The following SGCZ variants were observed in gnomAD, a reference collection of about 807,000 sequenced individuals.
SGCZ encodes the protein sarcoglycan zeta, also known as zeta-sarcoglycan.
In SGCZ, 40 loss-of-function variants were observed where a neutral mutation model predicts 41.3. That is an observed-to-expected ratio of 0.97 (90% confidence interval 0.75 to 1.26). The LOEUF is 1.26. Among genes scored for constraint, SGCZ ranks in the 50% most tolerant of loss-of-function variants. The pLI, the probability that SGCZ is intolerant of heterozygous loss-of-function variation, is 0.00. For synonymous variants in SGCZ, 206 were observed against 137.5 expected, an observed-to-expected ratio of 1.50 and a Z score of -3.49; for missense variants, 552 against 369.8, an observed-to-expected ratio of 1.49 and a Z score of -4.04.
At chr8:14,514,085 A>G (rs1412283048) in intron 2 of SGCZ, among the ~76,000 whole-genome samples, 1 of 152,114 alleles carries the variant, frequency 6.6e-6, no homozygotes, top group Non-Finnish European at 1.5e-5. Flanking sequence ...AGCATAGGTT[A>G]GTCCTTTGAG....
At chr8:14,513,385 T>A (rs1802521033) in intron 2 of SGCZ, among the ~76,000 whole-genome samples, 1 of 152,084 alleles carries the variant, frequency 6.6e-6, no homozygotes, top group Non-Finnish European at 1.5e-5. Context: ...TACTATACTG[T>A]TGTGTTAGAG....
intron 1 of SGCZ, among the ~76,000 whole-genome samples, chr8:15,166,384 A>G (rs1401182098): frequency 6.6e-6 from 1 of 151,652 alleles, no homozygotes; most frequent in African/African-American, 2.4e-5. Flanking sequence ...GGTAGCTGGG[A>G]CTACAGGCGC....
intron 1 of SGCZ, among the ~76,000 whole-genome samples, chr8:15,158,461 G>C (rs1415479876): frequency 6.6e-6 from 1 of 152,048 alleles, no homozygotes; most frequent in East Asian, 1.9e-4. Flanking sequence ...GGGTTAAAAA[G>C]AATTCTTCAA....
intron 1 of SGCZ, among the ~76,000 whole-genome samples, chr8:15,165,265 G>A (rs1250424173): frequency 6.6e-6 from 1 of 152,106 alleles, no homozygotes; most frequent in Admixed American, 6.5e-5. Context: ...ACTCCAGCCT[G>A]GGACAGAGCG....
At chr8:14,159,451 T>C (rs930931323) in intron 5 of SGCZ, among the ~76,000 whole-genome samples, 3 of 152,226 alleles carry the variant, frequency 2.0e-5, no homozygotes, top group African/African-American at 7.2e-5. Flanking sequence ...GATGGCATTC[T>C]TTATTATTTA....
At chr8:14,165,918 G>A (rs1320312475) in intron 4 of SGCZ, among the ~76,000 whole-genome samples, 1 of 152,018 alleles carries the variant, frequency 6.6e-6, no homozygotes, top group Non-Finnish European at 1.5e-5. Context: ...CCCCACCTCA[G>A]CACTACTCCC....
chr8:14,412,601 G>A (rs1799389554), intron 2 of SGCZ, among the ~76,000 whole-genome samples: 2 of 152,026 alleles, frequency 1.3e-5, no homozygotes, highest in African/African-American at 2.4e-5. Flanking sequence ...CTACACAACA[G>A]CGAACATCTT....
At chr8:14,970,063 T>C (rs1801241390) in intron 1 of SGCZ, among the ~76,000 whole-genome samples, 1 of 152,164 alleles carries the variant, frequency 6.6e-6, no homozygotes, top group African/African-American at 2.4e-5. Flanking sequence ...ATTTTAATTA[T>C]AGTCATTCTC....
intron 2 of SGCZ, among the ~76,000 whole-genome samples, chr8:14,355,229 C>T (rs997345315): frequency 1.3e-5 from 2 of 151,964 alleles, no homozygotes; most frequent in African/African-American, 4.8e-5. Context: ...AGGAATGCAA[C>T]ATAATTTATA....
chr8:14,941,495 T>C (rs77341445), intron 1 of SGCZ, among the ~76,000 whole-genome samples: 37,491 of 151,984 alleles, frequency 0.25, 4,665 homozygotes, highest in East Asian at 0.34. Context: ...ATGGATAGTA[T>C]GTTTATATTT....
At chr8:15,067,724 C>T (rs1042628087) in intron 1 of SGCZ, among the ~76,000 whole-genome samples, 9 of 152,012 alleles carry the variant, frequency 5.9e-5, no homozygotes, top group Non-Finnish European at 1.3e-4. Flanking sequence ...TTTTTTCTTT[C>T]ATCTATAAAT....
intron 1 of SGCZ, among the ~76,000 whole-genome samples, chr8:14,969,669 G>C (rs1190617561): frequency 1.3e-5 from 2 of 151,842 alleles, no homozygotes; most frequent in Non-Finnish European, 2.9e-5. Context: ...GCTTCTTTCA[G>C]TCAACATAAT....
At chr8:14,822,704 A>T (rs1420595802) in intron 1 of SGCZ, among the ~76,000 whole-genome samples, 1 of 152,156 alleles carries the variant, frequency 6.6e-6, no homozygotes, top group Non-Finnish European at 1.5e-5. Context: ...TTCAACCAAG[A>T]TGCCAAGAAC....
intron 1 of SGCZ, among the ~76,000 whole-genome samples, chr8:15,018,969 A>C (rs1803146125): frequency 6.6e-6 from 1 of 152,220 alleles, no homozygotes; most frequent in Non-Finnish European, 1.5e-5. Context: ...GGGATGTCTT[A>C]CATGGCCGGA....
At chr8:14,188,882 A>G (rs1487865347) in intron 4 of SGCZ, among the ~76,000 whole-genome samples, 2 of 139,954 alleles carry the variant, frequency 1.4e-5, no homozygotes, top group East Asian at 4.2e-4. Context: ...CCCAGGCTGG[A>G]GTGCAATGGC....
At chr8:14,751,114 T>C (rs1365027687) in intron 1 of SGCZ, among the ~76,000 whole-genome samples, 1 of 152,210 alleles carries the variant, frequency 6.6e-6, no homozygotes, top group Non-Finnish European at 1.5e-5. Context: ...TTCTTAGATG[T>C]TAGCCTATTT....
intron 4 of SGCZ, among the ~76,000 whole-genome samples, chr8:14,194,024 GT>G (rs1223725682): frequency 1.3e-5 from 2 of 151,350 alleles, no homozygotes; most frequent in Non-Finnish European, 3.0e-5. Flanking sequence ...TGGGACAATA[GT>G]TTTTTTTAAA....
intron 2 of SGCZ, among the ~76,000 whole-genome samples, chr8:14,361,412 G>A (rs572194654): frequency 7.2e-5 from 11 of 151,764 alleles, no homozygotes; most frequent in South Asian, 2.1e-4. Flanking sequence ...TTATCTTATC[G>A]CTTTATTTCA....
intron 1 of SGCZ, among the ~76,000 whole-genome samples, chr8:14,566,292 G>A (rs1028030088): frequency 6.6e-6 from 1 of 152,162 alleles, no homozygotes; most frequent in African/African-American, 2.4e-5. Context: ...ATATAACAAG[G>A]TAGAGGCAGA....
Sources: gnomAD v4.1 joint callset for allele counts (sites outside exome capture counted in the v4.1 genomes callset) on GRCh38, gnomAD v4.1.1 for gene constraint, MANE v1.5 for transcripts, NCBI Gene and HGNC (gene_info 2026-07-23, HGNC 2026-07-21) for gene names.